The following GSE1 variants were observed in gnomAD, a reference collection of about 807,000 sequenced individuals.
GSE1 encodes the protein Gse1 coiled-coil protein.
GSE1 carries 32 observed loss-of-function variants against 112.6 expected under a neutral mutation model. The observed-to-expected ratio is 0.28, with a 90% CI of 0.21 to 0.38. The LOEUF is 0.38. Ranked by LOEUF, GSE1 falls within the 10% of genes least tolerant of loss-of-function variation. GSE1 has a pLI of 1.00. For synonymous variants in GSE1, 1,115 were observed against 735.6 expected (o/e 1.52, Z -8.35); for missense variants, 2,348 against 1,699.2 (o/e 1.38, Z -6.71).
chr16:85,478,659 T>C (rs2050538404), intron 2 of GSE1, among the ~76,000 whole-genome samples: 2 of 151,464 alleles, frequency 1.3e-5, no homozygotes, highest in South Asian at 4.2e-4. Context: ...TTGCATAAGG[T>C]TTTTCTTCTT....
At chr16:85,266,707 C>T (rs776881226) in intron 1 of GSE1, among the ~76,000 whole-genome samples, 13 of 136,832 alleles carry the variant, frequency 9.5e-5, no homozygotes, top group Non-Finnish European at 2.0e-4. Context: ...GTGAGGGCAG[C>T]ATGAAGGAGG....
At chr16:85,217,245 A>G (rs190364962) in intron 1 of GSE1, among the ~76,000 whole-genome samples, 8 of 152,190 alleles carry the variant, frequency 5.3e-5, no homozygotes, top group African/African-American at 1.9e-4. Context: ...ACGATGGGGG[A>G]AAAGGGTGGG....
chr16:85,238,917 G>A (rs1386818711), intron 1 of GSE1, among the ~76,000 whole-genome samples: 1 of 152,114 alleles, frequency 6.6e-6, no homozygotes, highest in Non-Finnish European at 1.5e-5. Context: ...CGGGCCTGGG[G>A]AGGACAGTGG....
chr16:85,299,260 C>T (rs551857961), intron 1 of GSE1, among the ~76,000 whole-genome samples: 5 of 152,214 alleles, frequency 3.3e-5, no homozygotes, highest in East Asian at 1.9e-4. Flanking sequence ...GTCCTAAATG[C>T]GCCAGGTGCT....
chr16:85,516,853 A>G (rs1430495794), intron 2 of GSE1, among the ~76,000 whole-genome samples: 3 of 144,068 alleles, frequency 2.1e-5, no homozygotes, highest in African/African-American at 7.7e-5. Context: ...GCTGGAGTGC[A>G]GTGGCGTGAT....
At chr16:85,494,273 C>CTG (rs756830861) in intron 2 of GSE1, among the ~76,000 whole-genome samples, 5 of 152,212 alleles carry the variant, frequency 3.3e-5, no homozygotes, top group South Asian at 2.1e-4. Flanking sequence ...CTGGTGGCTT[C>CTG]TGGTGGCTCC....
chr16:85,515,712 G>A (rs944761496), intron 2 of GSE1, among the ~76,000 whole-genome samples: 3 of 152,118 alleles, frequency 2.0e-5, no homozygotes, highest in Admixed American at 2.0e-4. Context: ...GCTGGGCTGT[G>A]CAGACCTGAG....
chr16:85,466,698 A>G (rs1305191888), intron 2 of GSE1, among the ~76,000 whole-genome samples: 1 of 123,838 alleles, frequency 8.1e-6, no homozygotes, highest in African/African-American at 3.3e-5. Flanking sequence ...AAATATATAT[A>G]TATAGAGAGA....
intron 1 of GSE1, among the ~76,000 whole-genome samples, chr16:85,615,453 C>T (rs769659402): frequency 3.3e-4 from 50 of 152,322 alleles, no homozygotes; most frequent in Non-Finnish European, 5.3e-4. Flanking sequence ...GCAGCAGACA[C>T]CAAAGTCAGG....
chr16:85,666,499 A>C, intron 13 of GSE1, 152 bp downstream of exon 13: 1 of 719,338 alleles, frequency 1.4e-6, no homozygotes, highest in Non-Finnish European at 2.3e-6. Context: ...ATTATGCCAA[A>C]ACCATGTTTG....
At chr16:85,349,993 A>T (rs2046821941) in intron 1 of GSE1, among the ~76,000 whole-genome samples, 1 of 152,174 alleles carries the variant, frequency 6.6e-6, no homozygotes, top group African/African-American at 2.4e-5. Context: ...TTGACAGAGG[A>T]CACATGCTGG....
intron 2 of GSE1, among the ~76,000 whole-genome samples, chr16:85,430,204 G>A (rs1407431934): frequency 6.6e-6 from 1 of 152,196 alleles, no homozygotes; most frequent in Non-Finnish European, 1.5e-5. Flanking sequence ...AACCTCATGG[G>A]TCATGAAGCC....
chr16:85,217,872 CTCT>C (rs999606854), intron 1 of GSE1, among the ~76,000 whole-genome samples: 11 of 152,100 alleles, frequency 7.2e-5, no homozygotes, highest in African/African-American at 2.7e-4. Context: ...TCCTTCCAGC[CTCT>C]TCTTTTTTTT....
intron 2 of GSE1, among the ~76,000 whole-genome samples, chr16:85,420,429 A>T (rs2048809443): frequency 6.6e-6 from 1 of 151,960 alleles, no homozygotes. Context: ...ATCAGGCAGG[A>T]TTTGCTTCTG....
At chr16:85,480,899 C>T (rs557216575) in intron 2 of GSE1, among the ~76,000 whole-genome samples, 4 of 152,354 alleles carry the variant, frequency 2.6e-5, no homozygotes, top group Admixed American at 2.0e-4. Context: ...CAGCTGGGCT[C>T]CACGCTGAGC....
chr16:85,500,730 G>A (rs2051332501), intron 2 of GSE1, among the ~76,000 whole-genome samples: 2 of 152,174 alleles, frequency 1.3e-5, no homozygotes, highest in Non-Finnish European at 2.9e-5. Context: ...ACCAAAACCG[G>A]GGGATGGAGA....
chr16:85,619,174 A>G (rs1436840088), intron 1 of GSE1, among the ~76,000 whole-genome samples: 1 of 152,138 alleles, frequency 6.6e-6, no homozygotes, highest in Admixed American at 6.5e-5. Context: ...TCGGGCTCAC[A>G]TGCACACCAC....
intron 1 of GSE1, among the ~76,000 whole-genome samples, chr16:85,264,354 C>T (rs1324685649): frequency 6.6e-6 from 1 of 151,956 alleles, no homozygotes; most frequent in Non-Finnish European, 1.5e-5. Flanking sequence ...CTTGGGGGAC[C>T]GGGTGAGGTA....
At chr16:85,661,965 C>T (rs568682439) in intron 9 of GSE1, among the ~76,000 whole-genome samples, 200 bp downstream of exon 9, 1 of 152,368 alleles carries the variant, frequency 6.6e-6, no homozygotes, top group South Asian at 2.1e-4. Flanking sequence ...GTCCCCGTGC[C>T]TGTCCTGCCT....
Sources: gnomAD v4.1 joint callset for allele counts (sites outside exome capture counted in the v4.1 genomes callset) on GRCh38, gnomAD v4.1.1 for gene constraint, MANE v1.5 for transcripts, NCBI Gene and HGNC (gene_info 2026-07-23, HGNC 2026-07-21) for gene names.